Variants in PTPRG observed in about 807,000 individuals in gnomAD.
The protein encoded by PTPRG is receptor-type tyrosine-protein phosphatase gamma.
Under a neutral mutation model 165.3 loss-of-function variants are expected in PTPRG, and 102 were observed. That is an observed-to-expected ratio of 0.62 (90% confidence interval 0.53 to 0.73). PTPRG has a LOEUF of 0.73. Among genes scored for constraint, PTPRG ranks in the 30% least tolerant of loss-of-function variants. PTPRG has a pLI of 0.00. For synonymous variants in PTPRG, 675 were observed against 669.5 expected (o/e 1.01, Z -0.13); for missense variants, 1,866 against 1,861.4 (o/e 1.00, Z -0.05).
rs1693798976 is a variant in PTPRG, at chr3:61,953,507, C to A, written c.191-36118C>A. ...TGCCGGGCAGCACTTCTAAAGGTTA[C>A]CTACGGGCTCCCTAGTAAATTAAGG... On this transcript the variant is annotated intron_variant, in intron 2 of 29. Transcript: ENST00000474889. Among the ~76,000 whole-genome samples the A allele has an allele frequency of 4.6e-5, 7 of 152,200 alleles. 1 individual carries two copies. The highest frequency in any genetic ancestry group is 4.6e-4 in the Admixed American group (7 of 15,276).
At chr3:62,176,780 G>T (rs1191876598) in intron 8 of PTPRG, among the ~76,000 whole-genome samples, 2 of 151,972 alleles carry the variant, frequency 1.3e-5, no homozygotes, top group African/African-American at 4.8e-5. Context: ...GCCTAACACA[G>T]TACCTGGTAC....
In PTPRG at chr3:62,138,735, AAG is replaced by A. The variant is rs1553640803; in HGVS notation, c.682+6069_682+6070del. ...GCTCCAAAAAAAAAAAAAAAAAAAAAAGAAAGACGAAATACATGTGCATTATA... is the reference window on the plus strand; with the variant it reads ...GCTCCAAAAAAAAAAAAAAAAAAAAAAAAGACGAAATACATGTGCATTATA... On this transcript the variant is annotated intron_variant, in intron 6 of 29. Coordinates refer to ENST00000474889, the MANE Select transcript of PTPRG (RefSeq NM_002841.4). 1.8e-3 allele frequency among the ~76,000 whole-genome samples: 266 copies of A among 147,136 alleles called. 1 individual carries two copies. The highest frequency in any genetic ancestry group is 6.4e-3 in the African/African-American group (247 of 38,538).
At chr3:61,794,698 A>G (rs1055655095) in intron 2 of PTPRG, among the ~76,000 whole-genome samples, 5 of 152,242 alleles carry the variant, frequency 3.3e-5, no homozygotes, top group Non-Finnish European at 5.9e-5. Context: ...CAGGTTGTGT[A>G]TTCTGAAAAA....
Position 62,281,662 on chromosome 3 carries a change from A to G in PTPRG, c.3865A>G (p.Asn1289Asp). The G allele has an allele frequency of 6.2e-7, 1 of 1,611,180 alleles. No homozygotes were observed. The highest frequency in any genetic ancestry group is 8.5e-7 in the Non-Finnish European group (1 of 1,178,636). ...LISKDRLCLS[N>D]EEQIIIHDFI... Reference sequence around the variant, plus strand: ...CAGCAAAGACAGACTGTGCCTCTCTAATGAAGAACAAATTATCATCCATGA... The same window carrying G: ...CAGCAAAGACAGACTGTGCCTCTCTGATGAAGAACAAATTATCATCCATGA... The change falls in exon 27 of 30, where the codon AAT (asparagine) becomes GAT (aspartate). Residue 1289 changes from asparagine (N) to aspartate (D), a missense_variant. Physicochemically the swap from Asn to Asp is conservative, Grantham distance 23. Around this residue, in one of 3 missense-constraint regions of PTPRG, gnomAD observed 1,452 missense variants for 1,463.0 expected, o/e 0.99. Transcript: ENST00000474889.
chr3:61,718,749 A>T (rs545577554), intron 1 of PTPRG, among the ~76,000 whole-genome samples: 8 of 152,332 alleles, frequency 5.3e-5, no homozygotes, highest in Non-Finnish European at 1.0e-4. Flanking sequence ...TTCGCTGGAT[A>T]GAATTGGACT....
intron 5 of PTPRG, among the ~76,000 whole-genome samples, chr3:62,128,859 CAG>C (rs954111789): frequency 6.6e-5 from 10 of 151,504 alleles, no homozygotes; most frequent in African/African-American, 2.2e-4. Flanking sequence ...TTGATTGAAA[CAG>C]TGAGTGAAAG....
At chr3:61,981,048 A>T (rs2040630775) in intron 2 of PTPRG, among the ~76,000 whole-genome samples, 1 of 152,140 alleles carries the variant, frequency 6.6e-6, no homozygotes, top group Non-Finnish European at 1.5e-5. Flanking sequence ...GGTTCAATTG[A>T]CTCATAGTTC....
chr3:62,184,829 G>A (rs1364500992), intron 8 of PTPRG, among the ~76,000 whole-genome samples: 1 of 152,226 alleles, frequency 6.6e-6, no homozygotes, highest in Non-Finnish European at 1.5e-5. Flanking sequence ...TTGAGTAGTA[G>A]TACTGTCTCT....
chr3:62,110,089 C>CTTTTTTTTTTTT (rs371457716), intron 5 of PTPRG, among the ~76,000 whole-genome samples: 2 of 79,962 alleles, frequency 2.5e-5, no homozygotes, highest in Non-Finnish European at 2.3e-5. Flanking sequence ...GAAATAATGG[C>CTTTTTTTTTTTT]TTTTTTTTTT....
chr3:61,953,760 G>A (rs970807502), intron 2 of PTPRG, among the ~76,000 whole-genome samples: 1 of 152,188 alleles, frequency 6.6e-6, no homozygotes, highest in Non-Finnish European at 1.5e-5. Flanking sequence ...ACTACACTCT[G>A]TGAGGGCCAG....
intron 2 of PTPRG, among the ~76,000 whole-genome samples, chr3:61,982,620 C>G (rs965650566): frequency 6.6e-6 from 1 of 152,120 alleles, no homozygotes; most frequent in Non-Finnish European, 1.5e-5. Context: ...CTTTACTCAG[C>G]CTAGAGGTCT....
intron 2 of PTPRG, among the ~76,000 whole-genome samples, chr3:61,799,030 T>C (rs2035151738): frequency 6.6e-6 from 1 of 152,084 alleles, no homozygotes; most frequent in South Asian, 2.1e-4. Context: ...ATTAAAAATT[T>C]TTTTTTATTT....
At chr3:61,758,487 T>G (rs910920582) in intron 2 of PTPRG, among the ~76,000 whole-genome samples, 1 of 152,202 alleles carries the variant, frequency 6.6e-6, no homozygotes, top group African/African-American at 2.4e-5. Context: ...AGTTTCACTG[T>G]GTTGCCCAGG....
At chr3:62,036,256 ACT>A (rs1699932591) in intron 4 of PTPRG, among the ~76,000 whole-genome samples, 1 of 152,152 alleles carries the variant, frequency 6.6e-6, no homozygotes, top group African/African-American at 2.4e-5. Flanking sequence ...GAAGGAGGTG[ACT>A]CTGGTTTGGA....
At chr3:62,193,607 G>C (rs887244660) in intron 9 of PTPRG, among the ~76,000 whole-genome samples, 4 of 152,174 alleles carry the variant, frequency 2.6e-5, no homozygotes, top group African/African-American at 9.7e-5. Context: ...CTTCCGCATC[G>C]TCACCACAAA....
chr3:62,267,880 G>A (rs1022056601), intron 19 of PTPRG, 61 bp downstream of exon 19: 2 of 1,571,766 alleles, frequency 1.3e-6, no homozygotes, highest in Non-Finnish European at 1.7e-6. Flanking sequence ...TACTTGTGGA[G>A]TACCTGCTTT....
chr3:61,635,780 CT>C (rs1263075204), intron 1 of PTPRG, among the ~76,000 whole-genome samples: 4 of 152,104 alleles, frequency 2.6e-5, no homozygotes, highest in African/African-American at 9.7e-5. Flanking sequence ...ACATTTTGTA[CT>C]CTTGAACATT....
chr3:61,779,284 G>T (rs1376707078), intron 2 of PTPRG, among the ~76,000 whole-genome samples: 2 of 152,242 alleles, frequency 1.3e-5, no homozygotes, highest in African/African-American at 4.8e-5. Flanking sequence ...CCTCGGGGAG[G>T]AAAAAGTGGA....
chr3:61,679,813 C>G (rs1377655719), intron 1 of PTPRG, among the ~76,000 whole-genome samples: 1 of 151,968 alleles, frequency 6.6e-6, no homozygotes, highest in South Asian at 2.1e-4. Context: ...CAAAAAAACC[C>G]CACAATCCAG....
Sources: gnomAD v4.1 joint callset for allele counts (sites outside exome capture counted in the v4.1 genomes callset) on GRCh38, gnomAD v4.1.1 for gene constraint, gnomAD v4.1.1 regional missense constraint, MANE v1.5 for transcripts, NCBI Gene and HGNC (gene_info 2026-07-23, HGNC 2026-07-21) for gene names.